Variants in NUBPL observed in about 807,000 individuals in gnomAD.
NUBPL encodes NUBP iron-sulfur cluster assembly factor, mitochondrial, also known as iron-sulfur cluster transfer protein NUBPL.
NUBPL carries 31 observed loss-of-function variants against 45.7 expected under a neutral mutation model. The ratio of observed to expected loss-of-function variants is 0.68; its 90% CI spans 0.51 to 0.92. The LOEUF is 0.92. Ranked by LOEUF, NUBPL falls within the 40% of genes least tolerant of loss-of-function variation. The pLI, the probability that NUBPL is intolerant of heterozygous loss-of-function variation, is 0.00. For missense variants in NUBPL, 401 were observed against 398.7 expected (o/e 1.01, Z -0.05); for synonymous variants, 144 against 140.9 (o/e 1.02, Z -0.15).
At chr14:31,646,649 G>A (rs965825025) in intron 4 of NUBPL, among the ~76,000 whole-genome samples, 7 of 151,308 alleles carry the variant, frequency 4.6e-5, no homozygotes, top group Non-Finnish European at 8.9e-5. Context: ...TTTCTTTGTC[G>A]TTGATCTTTT....
intron 6 of NUBPL, among the ~76,000 whole-genome samples, chr14:31,751,707 G>C (rs2038533247): frequency 1.3e-5 from 2 of 152,222 alleles, no homozygotes. Context: ...CTGGAGAATA[G>C]TGGCCCTCTT....
At chr14:31,804,012 G>C (rs1203865264) in intron 7 of NUBPL, among the ~76,000 whole-genome samples, 1 of 151,994 alleles carries the variant, frequency 6.6e-6, no homozygotes, top group Non-Finnish European at 1.5e-5. Flanking sequence ...TCCCACCTTA[G>C]CCTCCCAAGT....
Position 31,755,915 on chromosome 14 carries a change from A to C in NUBPL, c.514-31865A>C, listed in dbSNP as rs564824001. Among the ~76,000 whole-genome samples, 851 of 151,522 alleles carry C rather than the reference A, an allele frequency of 5.6e-3. 9 individuals carry two copies. The highest frequency in any genetic ancestry group is 0.02 in the African/African-American group (806 of 41,154). Reference sequence around the variant, plus strand: ...GGGATCCAGTTTCAGCTTTGTACATATGGCTAGCCAGTTTTCCCAGCACCA... The same window carrying C: ...GGGATCCAGTTTCAGCTTTGTACATCTGGCTAGCCAGTTTTCCCAGCACCA... On this transcript the variant is annotated intron_variant, in intron 6 of 10. Coordinates refer to ENST00000281081, the MANE Select transcript of NUBPL (RefSeq NM_025152.3).
intron 10 of NUBPL, 151 bp downstream of exon 10, chr14:31,850,352 T>G (rs2139003529): frequency 1.5e-6 from 1 of 689,372 alleles, no homozygotes; most frequent in South Asian, 1.7e-5. Context: ...TTTAAGTTAC[T>G]GTCATGTACA....
chr14:31,805,132 A>G (rs1202853600), intron 7 of NUBPL, among the ~76,000 whole-genome samples: 1 of 152,260 alleles, frequency 6.6e-6, no homozygotes, highest in Non-Finnish European at 1.5e-5. Flanking sequence ...AAAAGAAGGC[A>G]TGCATGCAGC....
intron 8 of NUBPL, among the ~76,000 whole-genome samples, chr14:31,831,233 G>A (rs1035911921): frequency 2.0e-5 from 3 of 151,578 alleles, no homozygotes; most frequent in Admixed American, 2.0e-4. Flanking sequence ...AGTAGAGGCG[G>A]GGTTTCACCA....
chr14:31,778,948 C>A (rs1324491764), intron 6 of NUBPL, among the ~76,000 whole-genome samples: 3 of 152,156 alleles, frequency 2.0e-5, no homozygotes, highest in African/African-American at 7.2e-5. Context: ...TAAGTGCATG[C>A]AGTTCCACTT....
chr14:31,843,032 G>T (rs566888006), intron 8 of NUBPL, among the ~76,000 whole-genome samples: 2 of 152,218 alleles, frequency 1.3e-5, no homozygotes, highest in Admixed American at 6.5e-5. Flanking sequence ...AACAGCACAG[G>T]TTTATTTGTC....
chr14:31,837,685 C>A (rs1223266045), intron 8 of NUBPL, among the ~76,000 whole-genome samples: 1 of 151,950 alleles, frequency 6.6e-6, no homozygotes, highest in African/African-American at 2.4e-5. Flanking sequence ...GGAATTCTTA[C>A]AATTCAGTAA....
At position 31,826,725 on chromosome 14, in the gene NUBPL, ACAGCTTC is replaced by A. The variant is rs779958510; in HGVS notation, c.693+12_693+18del. On this transcript the variant is annotated intron_variant, in intron 8 of 10. Transcript: ENST00000281081. ...AGAGTCCACGTGCCCGTAAGCGTTT[ACAGCTTC>A]ACTGTGAAAAATATAAAACTCTTCT... 25 of 1,610,668 alleles carry A rather than the reference ACAGCTTC, an allele frequency of 1.6e-5. No homozygotes were observed. In the Admixed American group the frequency reaches 3.7e-4, roughly 24 times the overall value.
intron 7 of NUBPL, among the ~76,000 whole-genome samples, chr14:31,813,706 C>G (rs566754763): frequency 1.3e-5 from 2 of 152,220 alleles, no homozygotes; most frequent in Admixed American, 6.5e-5. Flanking sequence ...CTCTGACAGA[C>G]CCTGGTGTGT....
At chr14:31,857,642 A>G (rs1280282364) in intron 10 of NUBPL, among the ~76,000 whole-genome samples, 1 of 152,088 alleles carries the variant, frequency 6.6e-6, no homozygotes, top group African/African-American at 2.4e-5. Flanking sequence ...ATCTTTCTCA[A>G]ATTCAAAGTT....
At chr14:31,682,812 A>C (rs545553517) in intron 6 of NUBPL, among the ~76,000 whole-genome samples, 1 of 152,196 alleles carries the variant, frequency 6.6e-6, no homozygotes, top group African/African-American at 2.4e-5. Flanking sequence ...CTATAAAGGA[A>C]TACCTGAGGC....
chr14:31,734,248 T>G (rs905718128), intron 6 of NUBPL, among the ~76,000 whole-genome samples: 10 of 152,238 alleles, frequency 6.6e-5, no homozygotes, highest in Non-Finnish European at 1.2e-4. Flanking sequence ...TCACAAAGAT[T>G]ATCTGCCATA....
intron 6 of NUBPL, among the ~76,000 whole-genome samples, chr14:31,751,948 T>C (rs2038541269): frequency 6.6e-6 from 1 of 152,172 alleles, no homozygotes; most frequent in South Asian, 2.1e-4. Context: ...GGGCTTGCAT[T>C]CTCTGAAGTA....
At chr14:31,711,675 G>A (rs2037573910) in intron 6 of NUBPL, among the ~76,000 whole-genome samples, 1 of 152,138 alleles carries the variant, frequency 6.6e-6, no homozygotes, top group Admixed American at 6.5e-5. Context: ...GATGTGTCCA[G>A]AGTTTCTTCC....
intron 8 of NUBPL, among the ~76,000 whole-genome samples, chr14:31,829,072 T>C (rs917144318): frequency 1.3e-5 from 2 of 152,174 alleles, no homozygotes; most frequent in Non-Finnish European, 2.9e-5. Flanking sequence ...AGAAAGTTGA[T>C]ATTAGAGTAT....
At chr14:31,740,093 T>A (rs1475827063) in intron 6 of NUBPL, among the ~76,000 whole-genome samples, 1 of 152,244 alleles carries the variant, frequency 6.6e-6, no homozygotes, top group Non-Finnish European at 1.5e-5. Context: ...TTTTGGCAGT[T>A]ATGAATAAAG....
chr14:31,850,320 T>C (rs1285158966), intron 10 of NUBPL, 119 bp downstream of exon 10: 2 of 790,460 alleles, frequency 2.5e-6, no homozygotes, highest in Non-Finnish European at 4.3e-6. Context: ...AAACAAGGAT[T>C]ATTTAACTTG....
Sources: allele counts gnomAD v4.1 joint callset (sites outside exome capture counted in the v4.1 genomes callset), GRCh38; gene constraint gnomAD v4.1.1; transcripts MANE v1.5; gene names NCBI Gene and HGNC (gene_info 2026-07-23, HGNC 2026-07-21).